SLC6A16: variants seen among roughly 807,000 people sequenced by gnomAD.
The protein encoded by SLC6A16 is solute carrier family 6 member 16.
SLC6A16 carries 54 observed loss-of-function variants against 65.4 expected under a neutral mutation model. That is an observed-to-expected ratio of 0.83 (90% CI 0.66 to 1.04). SLC6A16 has a LOEUF of 1.04. Among genes scored for constraint, SLC6A16 ranks in the 50% least tolerant of loss-of-function variants. The pLI is 0.00. For missense variants in SLC6A16, 816 were observed against 914.0 expected (o/e 0.89, Z 1.38); for synonymous variants, 330 against 346.5 (o/e 0.95, Z 0.53).
At chr19:49,335,764 G>C in the SLC6A16 span, 1 of 1,610,964 alleles carries the variant, frequency 6.2e-7, no homozygotes, top group African/African-American at 1.3e-5. The surrounding 1 kb of genome is among the most constrained non-coding windows in gnomAD (Gnocchi z 4.6). Context: ...TCATTGACAA[G>C]ACCAGCTTCG....
intron 1 of SLC6A16, among the ~76,000 whole-genome samples, chr19:49,320,630 GAA>G (rs1372356970): frequency 6.6e-6 from 1 of 151,644 alleles, no homozygotes; most frequent in Admixed American, 6.6e-5. Context: ...GATGTACTAA[GAA>G]AAAAAGAGAA....
rs754245709 is a variant in SLC6A16 at position 49,309,335 on chromosome 19, G to A, written c.953C>T (p.Ala318Val). The change falls in exon 6 of 12, where the codon GCA becomes GTA. Residue 318 changes from alanine (A) to valine (V), a missense_variant. By Grantham distance (64) the Ala-to-Val change is moderately conservative (BLOSUM62 0). Transcript: ENST00000335875. ...CACCAACTGTTGAAGGCCAAATTTT[G>A]CCCCTTCCAGGAGTAGAGTCCGGAT... The part of the protein sequence containing the change: ...FFIRTLLLEG[A>V]KFGLQQLVVA... 1 of 1,614,080 alleles carries A rather than the reference G, an allele frequency of 6.2e-7. No homozygotes were observed. Among genetic ancestry groups the A allele is most frequent in the Non-Finnish European group, 8.5e-7 (1 of 1,179,942 alleles).
intron 1 of SLC6A16, among the ~76,000 whole-genome samples, chr19:49,319,018 A>G (rs1416715797): frequency 2.0e-5 from 3 of 151,906 alleles, no homozygotes; most frequent in African/African-American, 7.3e-5. Context: ...TAGCCATGAT[A>G]TATTTTAAAC....
Position 49,311,421 on chromosome 19 carries a change from A to G in SLC6A16, c.-64-10T>C. On this transcript the variant is annotated splice_polypyrimidine_tract_variant and intron_variant, in intron 1 of 11. Transcript: ENST00000335875. ...ATCTTCCTGAGGAGACCTGAAGGACACCAAAATCTGTAGATTTTAGATTTT... is the reference window on the plus strand; with the variant it reads ...ATCTTCCTGAGGAGACCTGAAGGACGCCAAAATCTGTAGATTTTAGATTTT... 6.8e-7 allele frequency: 1 copy of G among 1,470,234 alleles called. No individual in the cohort carries two copies. Among genetic ancestry groups the G allele is most frequent in the Non-Finnish European group, 9.1e-7 (1 of 1,101,158 alleles). 91.1% of individuals were successfully genotyped at this position (1,470,234 alleles called of 1,614,324 possible).
At chr19:49,335,362 C>T in the SLC6A16 span, 1 of 617,894 alleles carries the variant, frequency 1.6e-6, no homozygotes, top group Non-Finnish European at 2.9e-6. This position sits in a 1 kb window ranked among gnomAD's most constrained non-coding sequence, Gnocchi z 4.6. Flanking sequence ...AGAAAGCCAC[C>T]TTACATGAAG....
chr19:49,327,128 C>A (rs1970807418), upstream of SLC6A16, among the ~76,000 whole-genome samples: 2 of 151,080 alleles, frequency 1.3e-5, no homozygotes, highest in Admixed American at 1.3e-4. Flanking sequence ...GGCTGAAGTG[C>A]AGTGGCATAA....
chr19:49,329,308 C>T (rs1056321411), upstream of SLC6A16, among the ~76,000 whole-genome samples: 1 of 152,100 alleles, frequency 6.6e-6, no homozygotes, highest in Non-Finnish European at 1.5e-5. Flanking sequence ...AGGCTGGTCT[C>T]GAACTCCTGA....
upstream of SLC6A16, chr19:49,325,261 A>G: frequency 5.1e-6 from 5 of 985,208 alleles, no homozygotes; most frequent in Non-Finnish European, 6.0e-6. Context: ...CTTTCCCTAC[A>G]GCTGTAGCAA....
At chr19:49,293,092 G>T in intron 10 of SLC6A16, 131 bp downstream of exon 10, 5 of 734,540 alleles carry the variant, frequency 6.8e-6, no homozygotes, top group Non-Finnish European at 1.1e-5. Flanking sequence ...TGAATAAAAA[G>T]ATTTCCCAGA....
the SLC6A16 span, chr19:49,339,568 G>A: frequency 6.9e-7 from 1 of 1,458,668 alleles, no homozygotes; most frequent in Non-Finnish European, 9.0e-7. This position sits in a 1 kb window ranked among gnomAD's most constrained non-coding sequence, Gnocchi z 4.5. Context: ...CCGGAGGGTG[G>A]GGGCGGCCCA....
intron 9 of SLC6A16, 33 bp from the exon 10 acceptor site, chr19:49,293,415 G>T: frequency 6.2e-7 from 1 of 1,611,012 alleles, no homozygotes. Context: ...ATCAAGGTTA[G>T]AAGTCACGGC....
chr19:49,310,563 T>C, intron 2 of SLC6A16, 53 bp from the exon 3 acceptor site: 1 of 1,602,130 alleles, frequency 6.2e-7, no homozygotes, highest in Non-Finnish European at 8.5e-7. Flanking sequence ...TTTCAGTGCC[T>C]GGACTCCAGG....
intron 1 of SLC6A16, among the ~76,000 whole-genome samples, chr19:49,322,244 A>G (rs1333975468): frequency 2.0e-5 from 3 of 152,236 alleles, no homozygotes; most frequent in Non-Finnish European, 4.4e-5. Flanking sequence ...AAAGTCAACA[A>G]TCAAAACTCA....
intron 10 of SLC6A16, among the ~76,000 whole-genome samples, chr19:49,291,245 C>T (rs995768672): frequency 1.5e-4 from 23 of 152,016 alleles, no homozygotes; most frequent in African/African-American, 5.3e-4. Context: ...GCCCATCACC[C>T]TATCTCCACC....
At chr19:49,332,266 A>C in the SLC6A16 span, 1 of 456,568 alleles carries the variant, frequency 2.2e-6, no homozygotes, top group African/African-American at 2.0e-5. Context: ...TCTTAGAAGG[A>C]CACTTGTCAG....
intron 7 of SLC6A16, among the ~76,000 whole-genome samples, chr19:49,295,040 T>A (rs527454674): frequency 6.6e-6 from 1 of 152,164 alleles, no homozygotes; most frequent in African/African-American, 2.4e-5. Context: ...CTCTTCACAT[T>A]CCATGTTCTG....
intron 1 of SLC6A16, among the ~76,000 whole-genome samples, chr19:49,312,869 T>A (rs1187687409): frequency 1.3e-5 from 2 of 152,094 alleles, no homozygotes; most frequent in African/African-American, 4.8e-5. Flanking sequence ...TTTAGTTCTA[T>A]CTCTACTACA....
the SLC6A16 span, chr19:49,337,251 C>T: frequency 6.2e-7 from 1 of 1,600,576 alleles, no homozygotes; most frequent in South Asian, 1.1e-5. Flanking sequence ...CACCACCCAC[C>T]CCCAGCAGGG....
intron 1 of SLC6A16, among the ~76,000 whole-genome samples, chr19:49,317,498 C>T (rs771190699): frequency 1.3e-5 from 2 of 152,170 alleles, no homozygotes; most frequent in Non-Finnish European, 1.5e-5. Context: ...GTTACCTCCA[C>T]AAAAACACTA....
Sources: allele counts gnomAD v4.1 joint callset (sites outside exome capture counted in the v4.1 genomes callset), GRCh38; gene constraint gnomAD v4.1.1; non-coding constraint Gnocchi (gnomAD v3.1); transcripts MANE v1.5; gene names NCBI Gene and HGNC (gene_info 2026-07-23, HGNC 2026-07-21).